The following TSPAN18 variants were observed in gnomAD, a reference collection of about 807,000 sequenced individuals.
TSPAN18 encodes tetraspanin 18, also known as tetraspanin-18.
A neutral mutation model predicts 27.3 loss-of-function variants in TSPAN18; 14 were observed. The ratio of observed to expected loss-of-function variants is 0.51; its 90% CI spans 0.34 to 0.80. TSPAN18 has a LOEUF of 0.80. Ranked by LOEUF, TSPAN18 falls within the 30% of genes least tolerant of loss-of-function variation. The pLI is 0.01. For missense variants in TSPAN18, 268 were observed against 323.9 expected, an observed-to-expected ratio of 0.83 and a Z score of 1.32; for synonymous variants, 143 against 136.5, an observed-to-expected ratio of 1.05 and a Z score of -0.33.
At chr11:44,730,503 G>A (rs767206728) in intron 1 of TSPAN18, among the ~76,000 whole-genome samples, 5 of 152,098 alleles carry the variant, frequency 3.3e-5, no homozygotes, top group South Asian at 2.1e-4. Context: ...TTGATCAGGC[G>A]TTTCTACCAC....
At chr11:44,782,710 T>G (rs1378048931) in intron 2 of TSPAN18, among the ~76,000 whole-genome samples, 1 of 152,256 alleles carries the variant, frequency 6.6e-6, no homozygotes, top group South Asian at 2.1e-4. Context: ...ATTCTAATAG[T>G]TGCGTAACGG....
chr11:44,726,581 G>A (rs1854506873), upstream of TSPAN18: 1 of 152,072 alleles, frequency 6.6e-6, no homozygotes, highest in African/African-American at 2.4e-5. Context: ...CAACCCCTGC[G>A]TTTGGGCCCC....
At chr11:44,878,819 C>T (rs1438243383) in intron 3 of TSPAN18, among the ~76,000 whole-genome samples, 1 of 152,150 alleles carries the variant, frequency 6.6e-6, no homozygotes, top group Non-Finnish European at 1.5e-5. Context: ...GCTGGGTCTC[C>T]CAATCTCCAA....
At chr11:44,919,791 G>A in intron 7 of TSPAN18, 26 bp from the exon 8 acceptor site, 1 of 1,613,228 alleles carries the variant, frequency 6.2e-7, no homozygotes, top group Non-Finnish European at 8.5e-7. Context: ...CTGCCCACCA[G>A]AACCTTCTCT....
chr11:44,886,271 AG>A (rs1294106151), intron 3 of TSPAN18: 1 of 152,262 alleles, frequency 6.6e-6, no homozygotes, highest in African/African-American at 2.4e-5. Flanking sequence ...TACTGAACAC[AG>A]GCTGAGAGCT....
At chr11:44,879,011 A>G (rs1445353410) in intron 3 of TSPAN18, among the ~76,000 whole-genome samples, 2 of 152,220 alleles carry the variant, frequency 1.3e-5, no homozygotes, top group African/African-American at 4.8e-5. Flanking sequence ...CGACCTGCGT[A>G]ATCCCACAGA....
chr11:44,834,032 A>G (rs1486599801), intron 2 of TSPAN18, among the ~76,000 whole-genome samples: 1 of 151,530 alleles, frequency 6.6e-6, no homozygotes, highest in Non-Finnish European at 1.5e-5. Context: ...ACTGCTGCTC[A>G]CTGCCCAGCT....
rs530959773 is a variant in TSPAN18 at position 44,742,453 on chromosome 11, CGA to C, written c.-240+15167_-240+15168del. ...TGCATTGTGTGCACTAGACTTTTGC[CGA>C]AGGTTTGAAGCTGAGGGTCATCCAT... On this transcript the variant is annotated intron_variant, in intron 1 of 9. Transcript: ENST00000520358. Among the ~76,000 whole-genome samples the C allele has an allele frequency of 4.0e-5, 6 of 151,770 alleles. No individual in the cohort carries two copies. In the South Asian group the frequency reaches 1.3e-3, roughly 32 times the overall value.
chr11:44,793,898 A>T (rs1856287425), intron 2 of TSPAN18, among the ~76,000 whole-genome samples: 1 of 152,002 alleles, frequency 6.6e-6, no homozygotes, highest in African/African-American at 2.4e-5. Context: ...AGTGCATCTC[A>T]CAAGGGATGC....
intron 3 of TSPAN18, among the ~76,000 whole-genome samples, 182 bp downstream of exon 3, chr11:44,860,651 G>A (rs1415773652): frequency 6.6e-6 from 1 of 152,228 alleles, no homozygotes; most frequent in Non-Finnish European, 1.5e-5. Flanking sequence ...AGTGTGAGTG[G>A]ATCTGAGCCA....
intron 8 of TSPAN18, among the ~76,000 whole-genome samples, chr11:44,920,460 G>T (rs760732354): frequency 8.1e-5 from 11 of 136,020 alleles, no homozygotes; most frequent in Non-Finnish European, 1.4e-4. Context: ...GGTCAGAGAA[G>T]CTCCTAGACT....
chr11:44,733,880 A>T (rs1453211375), intron 1 of TSPAN18, among the ~76,000 whole-genome samples: 1 of 152,042 alleles, frequency 6.6e-6, no homozygotes, highest in Admixed American at 6.6e-5. Flanking sequence ...AGGGAAGCGG[A>T]GGGTCCTGCT....
intron 2 of TSPAN18, among the ~76,000 whole-genome samples, chr11:44,794,405 T>G (rs534135953): frequency 2.9e-4 from 44 of 152,310 alleles, no homozygotes; most frequent in African/African-American, 7.7e-4. Flanking sequence ...TGGTAGCTCA[T>G]GCCTGTAATC....
intron 1 of TSPAN18, among the ~76,000 whole-genome samples, chr11:44,748,409 A>T (rs1855132679): frequency 6.6e-6 from 1 of 152,036 alleles, no homozygotes; most frequent in Non-Finnish European, 1.5e-5. Context: ...AAAGAAAAAA[A>T]AAAAAAAGAG....
chr11:44,764,572 C>T (rs935646218), intron 2 of TSPAN18, 60 bp downstream of exon 2: 2 of 152,284 alleles, frequency 1.3e-5, no homozygotes, highest in Non-Finnish European at 2.9e-5. Context: ...AGGGTCTACT[C>T]TTCTCTCTTC....
chr11:44,865,244 A>C (rs1201915250), intron 3 of TSPAN18, among the ~76,000 whole-genome samples: 2 of 152,094 alleles, frequency 1.3e-5, no homozygotes, highest in African/African-American at 4.8e-5. Context: ...AGGCTGGGTG[A>C]CCTTGGGCGT....
intron 1 of TSPAN18, among the ~76,000 whole-genome samples, chr11:44,731,252 C>A (rs1854647739): frequency 6.6e-6 from 1 of 152,132 alleles, no homozygotes; most frequent in Admixed American, 6.5e-5. Context: ...TCTCTCTGAG[C>A]CTCGGTTTCT....
chr11:44,862,526 G>A (rs1857925267), intron 3 of TSPAN18, among the ~76,000 whole-genome samples: 1 of 152,196 alleles, frequency 6.6e-6, no homozygotes, highest in Admixed American at 6.5e-5. Context: ...GTCAATGAGT[G>A]TTAATTCATT....
chr11:44,837,153 C>G (rs1163421706), intron 2 of TSPAN18, among the ~76,000 whole-genome samples: 1 of 152,226 alleles, frequency 6.6e-6, no homozygotes, highest in African/African-American at 2.4e-5. Context: ...ATATTGAAAA[C>G]TTACTGGAAA....
Sources: gnomAD v4.1 joint callset for allele counts (sites outside exome capture counted in the v4.1 genomes callset) on GRCh38, gnomAD v4.1.1 for gene constraint, MANE v1.5 for transcripts, NCBI Gene and HGNC (gene_info 2026-07-23, HGNC 2026-07-21) for gene names.